The following PLCL1 variants were observed in gnomAD, a reference collection of about 807,000 sequenced individuals.
PLCL1 encodes inactive phospholipase C-like protein 1.
A neutral mutation model predicts 84.4 loss-of-function variants in PLCL1; 41 were observed. The ratio of observed to expected loss-of-function variants is 0.49; its 90% CI spans 0.38 to 0.63. The LOEUF (loss-of-function observed/expected upper bound fraction) is 0.63, where lower values mean the gene tolerates loss of function less well. PLCL1 is among the 30% of genes least tolerant of loss of function. The probability of loss-of-function intolerance (pLI) is 0.00; values close to 1 mark genes in which losing one functional copy is unlikely to be tolerated. For synonymous variants in PLCL1, 490 were observed against 488.3 expected (o/e 1.00, Z -0.05); for missense variants, 1,206 against 1,367.8 (o/e 0.88, Z 1.87).
At chr2:198,122,298 C>T (rs1346885449) in intron 5 of PLCL1, among the ~76,000 whole-genome samples, 1 of 152,006 alleles carries the variant, frequency 6.6e-6, no homozygotes, top group Non-Finnish European at 1.5e-5. Flanking sequence ...GGTTTATTGT[C>T]TTTTTCTAGC....
At chr2:198,072,079 A>G (rs1327109205) in intron 1 of PLCL1, among the ~76,000 whole-genome samples, 1 of 151,822 alleles carries the variant, frequency 6.6e-6, no homozygotes, top group African/African-American at 2.4e-5. Flanking sequence ...ATTAGTGAAG[A>G]ATTTGAATTT....
intron 5 of PLCL1, among the ~76,000 whole-genome samples, chr2:198,135,458 A>T (rs183561239): frequency 3.9e-4 from 59 of 152,298 alleles, no homozygotes; most frequent in Admixed American, 2.2e-3. Flanking sequence ...GGGAATAAAC[A>T]AGCAGTGACT....
intron 5 of PLCL1, among the ~76,000 whole-genome samples, chr2:198,111,188 G>A (rs1341767717): frequency 6.6e-6 from 1 of 151,792 alleles, no homozygotes. Context: ...TAACACAATG[G>A]CTTATTTCTT....
At chr2:197,903,749 C>A (rs1447316990) in intron 1 of PLCL1, among the ~76,000 whole-genome samples, 1 of 148,026 alleles carries the variant, frequency 6.8e-6, no homozygotes, top group African/African-American at 2.5e-5. Flanking sequence ...GTGATCTGCC[C>A]GCCTCAGCCT....
rs533981767 is a variant in PLCL1, at chr2:197,836,899, T to C, written c.240+31560T>C. On this transcript the variant is annotated intron_variant, in intron 1 of 5. Coordinates refer to ENST00000428675, the MANE Select transcript of PLCL1 (RefSeq NM_006226.4). ...GTTTTTGTTGAGATGGAAGTCTTGC[T>C]GTGTTGCCCGGGCTGGTGTTGAACT... Among the ~76,000 whole-genome samples the C allele has an allele frequency of 4.5e-4, 68 of 152,246 alleles. 2 individuals carry two copies. In the South Asian group the frequency reaches 9.9e-3, roughly 22 times the overall value.
At chr2:198,064,323 T>G (rs1292846159) in intron 1 of PLCL1, among the ~76,000 whole-genome samples, 1 of 152,186 alleles carries the variant, frequency 6.6e-6, no homozygotes, top group African/African-American at 2.4e-5. Context: ...ACTGACTAGG[T>G]TACTATTTTA....
chr2:198,093,244 C>T (rs1693095775), intron 3 of PLCL1, among the ~76,000 whole-genome samples: 1 of 152,154 alleles, frequency 6.6e-6, no homozygotes, highest in Non-Finnish European at 1.5e-5. Context: ...AGTCAACAAC[C>T]TATAGAATGT....
chr2:198,110,729 G>A (rs1693598720), intron 5 of PLCL1, among the ~76,000 whole-genome samples: 1 of 151,690 alleles, frequency 6.6e-6, no homozygotes, highest in Admixed American at 6.6e-5. Flanking sequence ...TTCAAACCAG[G>A]CTCTTCCAAC....
At position 198,096,749 on chromosome 2, in the gene PLCL1, G is replaced by T. The variant is rs193201075; in HGVS notation, c.2920-4536G>T. Among the ~76,000 whole-genome samples, 181 of 152,284 alleles carry T rather than the reference G, an allele frequency of 1.2e-3. 1 individual carries two copies. Among genetic ancestry groups the T allele is most frequent in the African/African-American group, 4.0e-3 (166 of 41,558 alleles). ...GGTTATTTAATCTTTTACTAAGTCAGTTGGGGGTGATTTGGAGAGCAGTTG... is the reference window on the plus strand; with the variant it reads ...GGTTATTTAATCTTTTACTAAGTCATTTGGGGGTGATTTGGAGAGCAGTTG... On this transcript the variant is annotated intron_variant, in intron 3 of 5. Coordinates refer to ENST00000428675, the MANE Select transcript of PLCL1 (RefSeq NM_006226.4).
intron 1 of PLCL1, among the ~76,000 whole-genome samples, chr2:197,887,962 T>G (rs570993804): frequency 6.6e-6 from 1 of 152,010 alleles, no homozygotes; most frequent in South Asian, 2.1e-4. Context: ...TGCGGTGGTG[T>G]GTGGCTCTGG....
chr2:198,132,980 T>C (rs1439861341), intron 5 of PLCL1, among the ~76,000 whole-genome samples: 1 of 151,610 alleles, frequency 6.6e-6, no homozygotes. Context: ...TTTAAATCTT[T>C]AATCCATCTT....
At chr2:197,838,585 G>A (rs1352800461) in intron 1 of PLCL1, among the ~76,000 whole-genome samples, 1 of 152,198 alleles carries the variant, frequency 6.6e-6, no homozygotes, top group African/African-American at 2.4e-5. Context: ...AATTGAAAAA[G>A]TTTTAATAGC....
chr2:198,139,069 C>T (rs1015661412), intron 5 of PLCL1, among the ~76,000 whole-genome samples: 34 of 152,022 alleles, frequency 2.2e-4, no homozygotes, highest in Admixed American at 1.8e-3. Context: ...GCAGGAGAAT[C>T]GCTTGAACCC....
chr2:197,856,714 T>C (rs947137189), intron 1 of PLCL1, among the ~76,000 whole-genome samples: 16 of 152,292 alleles, frequency 1.1e-4, no homozygotes, highest in African/African-American at 3.6e-4. Context: ...TCACAGGACA[T>C]TTCATTGATT....
At chr2:198,136,082 A>G (rs1053554274) in intron 5 of PLCL1, among the ~76,000 whole-genome samples, 1 of 152,112 alleles carries the variant, frequency 6.6e-6, no homozygotes, top group African/African-American at 2.4e-5. Flanking sequence ...TTATTGTCGC[A>G]TTTTATTCTC....
chr2:197,872,000 G>T (rs1574923844), intron 1 of PLCL1, among the ~76,000 whole-genome samples: 3 of 152,216 alleles, frequency 2.0e-5, no homozygotes, highest in East Asian at 1.9e-4. Context: ...CTGGTGAATG[G>T]CTAGTTTGTT....
intron 1 of PLCL1, among the ~76,000 whole-genome samples, chr2:197,989,141 C>A (rs997514277): frequency 5.3e-5 from 8 of 152,100 alleles, no homozygotes; most frequent in Admixed American, 1.3e-4. Flanking sequence ...TTGATGAAAA[C>A]ATTTTCAGAT....
intron 1 of PLCL1, among the ~76,000 whole-genome samples, chr2:197,890,018 A>G (rs1574933404): frequency 6.6e-6 from 1 of 152,336 alleles, no homozygotes; most frequent in Admixed American, 6.5e-5. Flanking sequence ...ATCAGCTTGC[A>G]TACGCAGCTT....
intron 1 of PLCL1, chr2:198,001,948 C>A (rs770211430): frequency 7.0e-6 from 3 of 431,244 alleles, no homozygotes; most frequent in South Asian, 5.0e-5. Flanking sequence ...CCTATCACCC[C>A]CAGATGGGAC....
Sources: allele counts gnomAD v4.1 joint callset (sites outside exome capture counted in the v4.1 genomes callset), GRCh38; gene constraint gnomAD v4.1.1; transcripts MANE v1.5; gene names NCBI Gene and HGNC (gene_info 2026-07-23, HGNC 2026-07-21).